Variants in SYN2 observed in about 807,000 individuals in gnomAD.
SYN2 encodes the protein synapsin II, also known as synapsin-2.
In SYN2, 19 loss-of-function variants were observed where a neutral mutation model predicts 50.9. The ratio of observed to expected loss-of-function variants is 0.37; its 90% CI spans 0.26 to 0.55. SYN2 has a LOEUF of 0.55. Among genes scored for constraint, SYN2 ranks in the 20% least tolerant of loss-of-function variants. The pLI is 0.81. For missense variants in SYN2, 587 were observed against 576.4 expected (o/e 1.02, Z -0.19); for synonymous variants, 255 against 224.9 (o/e 1.13, Z -1.20).
chr3:12,061,807 G>A (rs1456562590), intron 1 of SYN2, among the ~76,000 whole-genome samples: 1 of 151,808 alleles, frequency 6.6e-6, no homozygotes, highest in Non-Finnish European at 1.5e-5. Context: ...AAGTACTTAG[G>A]CATAAATCTA....
intron 1 of SYN2, among the ~76,000 whole-genome samples, chr3:12,098,888 A>G (rs1185986716): frequency 7.4e-6 from 1 of 134,728 alleles, no homozygotes; most frequent in African/African-American, 2.9e-5. Context: ...TATAATGCAA[A>G]TAGTAACCAA....
At chr3:12,160,042 CA>C (rs3079818) in intron 5 of SYN2, among the ~76,000 whole-genome samples, 17,831 of 67,110 alleles carry the variant, frequency 0.27, 488 homozygotes, top group African/African-American at 0.34. Flanking sequence ...GACTCCGTCT[CA>C]AAAAAAAAAA....
intron 1 of SYN2, among the ~76,000 whole-genome samples, chr3:12,129,390 G>A (rs997071844): frequency 6.6e-6 from 1 of 152,064 alleles, no homozygotes; most frequent in Non-Finnish European, 1.5e-5. Flanking sequence ...TATAGATGAA[G>A]AAACAAGGAA....
At chr3:12,111,952 CATT>C (rs1045100804) in intron 1 of SYN2, among the ~76,000 whole-genome samples, 9 of 152,188 alleles carry the variant, frequency 5.9e-5, no homozygotes, top group African/African-American at 2.2e-4. Flanking sequence ...GTCATGGCAT[CATT>C]GTTGTATCCA....
intron 1 of SYN2, among the ~76,000 whole-genome samples, chr3:12,011,972 G>T (rs557215969): frequency 1.3e-5 from 2 of 152,140 alleles, no homozygotes; most frequent in Admixed American, 6.5e-5. Context: ...GTTTCCAGCC[G>T]CAGGTATCTG....
rs1039616099 is a variant in SYN2 at position 12,190,876 on chromosome 3, TC to T, written c.*253del. 5.5e-6 allele frequency: 7 copies of T among 1,262,522 alleles called. No individual in the cohort carries two copies. In the African/African-American group the frequency reaches 9.4e-5, roughly 17 times the overall value. The allele number at this position is 1,262,522 out of a possible 1,614,324, so 78.2% of individuals were successfully genotyped here. A position where few individuals can be genotyped will look rare whatever the true frequency, so the allele number is the denominator to read the frequency against. On this transcript the variant is annotated 3_prime_UTR_variant, in exon 13 of 13. Transcript: ENST00000621198. The stretch of plus-strand genomic sequence containing the variant: ...CTGCTTCCCTGTAGTCATGAGAGCT[TC>T]CTTCTGAAGTCATCGTTCGCTGTGA...
At chr3:12,017,253 A>C (rs78941961) in intron 1 of SYN2, among the ~76,000 whole-genome samples, 7,267 of 152,276 alleles carry the variant, frequency 0.048, 248 homozygotes, top group East Asian at 0.14. Flanking sequence ...AAAAATGATA[A>C]TACATAATGT....
chr3:12,173,541 C>G (rs1181961026), intron 10 of SYN2, among the ~76,000 whole-genome samples: 1 of 152,172 alleles, frequency 6.6e-6, no homozygotes, highest in African/African-American at 2.4e-5. Context: ...GCCACCGTCT[C>G]CCTTTTACCA....
intron 1 of SYN2, among the ~76,000 whole-genome samples, chr3:12,107,278 A>G (rs528520142): frequency 6.6e-6 from 1 of 152,162 alleles, no homozygotes; most frequent in African/African-American, 2.4e-5. Context: ...TGCCAAGACA[A>G]ATTTATCTTT....
chr3:12,036,027 C>T (rs974797219), intron 1 of SYN2, among the ~76,000 whole-genome samples: 1 of 152,192 alleles, frequency 6.6e-6, no homozygotes, highest in Non-Finnish European at 1.5e-5. Flanking sequence ...TCTTGTTTAT[C>T]AGATGGCTCT....
chr3:12,082,458 C>A (rs2125175163), intron 1 of SYN2, among the ~76,000 whole-genome samples: 1 of 152,312 alleles, frequency 6.6e-6, no homozygotes, highest in South Asian at 2.1e-4. Flanking sequence ...CAGATGCCGG[C>A]CAAAGGCCAA....
At chr3:12,014,271 G>A (rs538456912) in intron 1 of SYN2, among the ~76,000 whole-genome samples, 7 of 152,188 alleles carry the variant, frequency 4.6e-5, no homozygotes, top group African/African-American at 1.7e-4. Flanking sequence ...ATTGAATTGA[G>A]CAGCAAGAGA....
chr3:12,145,995 C>A (rs891223711), intron 4 of SYN2, among the ~76,000 whole-genome samples, 160 bp downstream of exon 4: 1 of 152,178 alleles, frequency 6.6e-6, no homozygotes, highest in Non-Finnish European at 1.5e-5. Flanking sequence ...TTGGCCCCAG[C>A]TAAGAGGATG....
At chr3:12,153,510 C>T in intron 5 of SYN2, 1 of 1,612,886 alleles carries the variant, frequency 6.2e-7, no homozygotes, top group East Asian at 2.2e-5. Context: ...GGTCACTGGT[C>T]CCTACTAGGG....
intron 1 of SYN2, among the ~76,000 whole-genome samples, chr3:12,135,544 C>G (rs923849848): frequency 3.3e-5 from 5 of 152,206 alleles, no homozygotes; most frequent in Admixed American, 3.3e-4. Flanking sequence ...CTGTCATCTT[C>G]TAGCCTGAGA....
intron 7 of SYN2, 65 bp from the exon 8 acceptor site, chr3:12,167,169 T>A: frequency 6.5e-7 from 1 of 1,536,302 alleles, no homozygotes; most frequent in Admixed American, 1.9e-5. Flanking sequence ...TTCTGGAAAG[T>A]TGCATGCCCT....
intron 1 of SYN2, among the ~76,000 whole-genome samples, chr3:12,062,178 T>G (rs1410695889): frequency 1.3e-5 from 2 of 152,002 alleles, no homozygotes; most frequent in South Asian, 4.1e-4. Context: ...AAACAATAGA[T>G]CTATTTCAAT....
At chr3:12,186,897 G>A (rs1311458530) in intron 11 of SYN2, among the ~76,000 whole-genome samples, 3 of 152,154 alleles carry the variant, frequency 2.0e-5, no homozygotes, top group African/African-American at 7.2e-5. Context: ...CAAGGCCCAG[G>A]GAAGTTTGGT....
chr3:12,176,107 C>T (rs1407251851), intron 10 of SYN2, among the ~76,000 whole-genome samples: 3 of 152,164 alleles, frequency 2.0e-5, no homozygotes, highest in Admixed American at 1.3e-4. Flanking sequence ...CCCTGTACCA[C>T]TGCCTTCCCA....
Sources: gnomAD v4.1 joint callset for allele counts (sites outside exome capture counted in the v4.1 genomes callset) on GRCh38, gnomAD v4.1.1 for gene constraint, MANE v1.5 for transcripts, NCBI Gene and HGNC (gene_info 2026-07-23, HGNC 2026-07-21) for gene names.